TTC6: variants seen among roughly 807,000 people sequenced by gnomAD.
TTC6 encodes tetratricopeptide repeat protein 6.
TTC6 carries 172 observed loss-of-function variants against 210.4 expected under a neutral mutation model. The observed-to-expected ratio is 0.82, with a 90% CI of 0.72 to 0.93. The LOEUF is 0.93. Ranked by LOEUF, TTC6 falls within the 40% of genes least tolerant of loss-of-function variation. TTC6 has a pLI of 0.00. For synonymous variants in TTC6, 804 were observed against 819.6 expected, an observed-to-expected ratio of 0.98 and a Z score of 0.32; for missense variants, 2,414 against 2,318.1, an observed-to-expected ratio of 1.04 and a Z score of -0.85.
At chr14:37,715,399 C>G (rs887606462) in intron 6 of TTC6, among the ~76,000 whole-genome samples, 1 of 152,050 alleles carries the variant, frequency 6.6e-6, no homozygotes, top group Admixed American at 6.6e-5. Context: ...CTGAGCAAAT[C>G]CCAAACTGGA....
intron 29 of TTC6, among the ~76,000 whole-genome samples, chr14:37,835,739 A>G (rs964153078): frequency 4.6e-5 from 7 of 152,234 alleles, no homozygotes; most frequent in Non-Finnish European, 1.0e-4. Context: ...TAAGATCAAC[A>G]TATTAGAGTG....
chr14:37,657,511 C>G (rs1254709319), intron 1 of TTC6, among the ~76,000 whole-genome samples: 1 of 152,002 alleles, frequency 6.6e-6, no homozygotes, highest in Non-Finnish European at 1.5e-5. Flanking sequence ...GGCCTGGTGT[C>G]TCTGGGGGAC....
At chr14:37,691,001 A>C (rs575900533) in intron 3 of TTC6, among the ~76,000 whole-genome samples, 1 of 152,262 alleles carries the variant, frequency 6.6e-6, no homozygotes, top group African/African-American at 2.4e-5. Context: ...CATTAAAAAA[A>C]CCCCACCAAT....
chr14:37,696,434 A>G (rs1029822290), intron 3 of TTC6, among the ~76,000 whole-genome samples: 13 of 152,156 alleles, frequency 8.5e-5, no homozygotes, highest in African/African-American at 2.4e-4. Flanking sequence ...CCAATAAAGA[A>G]GAGTGCACTT....
chr14:37,813,552 G>A (rs373775151), intron 25 of TTC6, among the ~76,000 whole-genome samples: 1 of 152,104 alleles, frequency 6.6e-6, no homozygotes, highest in East Asian at 1.9e-4. Context: ...GCTACACACC[G>A]GGTCCTCAAC....
At chr14:37,711,135 T>C (rs2095844021) in intron 5 of TTC6, among the ~76,000 whole-genome samples, 1 of 152,184 alleles carries the variant, frequency 6.6e-6, no homozygotes, top group South Asian at 2.1e-4. Context: ...CAGCATCTCC[T>C]GCCTTACCAA....
intron 1 of TTC6, among the ~76,000 whole-genome samples, chr14:37,668,588 T>C (rs1027319796): frequency 3.0e-5 from 4 of 135,554 alleles, no homozygotes; most frequent in Non-Finnish European, 7.1e-5. Context: ...ATCGTTACTT[T>C]TGGCCCATTT....
Position 37,800,966 on chromosome 14 carries a change from GACT to G in TTC6, c.4030-3712_4030-3710del, listed in dbSNP as rs949558676. 3.4e-4 allele frequency among the ~76,000 whole-genome samples: 52 copies of G among 152,240 alleles called. 1 individual carries two copies. The highest frequency in any genetic ancestry group is 1.2e-3 in the African/African-American group (51 of 41,556). The stretch of plus-strand genomic sequence containing the variant: ...AAAGGAAAAAGGACCCAGAAGGCAA[GACT>G]AGGAACCCACAGGATGACACTAAGT... On this transcript the variant is annotated intron_variant, in intron 20 of 30. Coordinates refer to ENST00000553443, the Ensembl canonical transcript of TTC6.
At chr14:37,790,784 A>G in exon 16 of TTC6, 1 of 1,534,854 alleles carries the variant, frequency 6.5e-7, no homozygotes, top group Non-Finnish European at 8.7e-7. Context: ...ATGCACATCT[A>G]AAACTTTGGC....
chr14:37,622,557 G>T (rs2095653217), exon 1 of TTC6: 3 of 1,534,802 alleles, frequency 2.0e-6, no homozygotes, highest in African/African-American at 2.7e-5. Context: ...CAGAGCGCGC[G>T]GGGTCTTGGA....
intron 1 of TTC6, among the ~76,000 whole-genome samples, chr14:37,626,055 A>G (rs888762787): frequency 7.9e-5 from 12 of 152,184 alleles, no homozygotes; most frequent in Non-Finnish European, 1.5e-4. Context: ...CTCCCAAGTC[A>G]TAACAATAAA....
intron 7 of TTC6, among the ~76,000 whole-genome samples, chr14:37,729,339 A>G (rs972337551): frequency 2.6e-5 from 4 of 152,226 alleles, no homozygotes; most frequent in African/African-American, 7.2e-5. Flanking sequence ...TAATTTGCAT[A>G]AGTCAATATG....
At chr14:37,789,313 AT>A (rs1005631607) in intron 15 of TTC6, among the ~76,000 whole-genome samples, 35 of 140,284 alleles carry the variant, frequency 2.5e-4, no homozygotes, top group Admixed American at 3.8e-4. Context: ...GTTAAATAAT[AT>A]TTTTTTTCCT....
At chr14:37,824,667 A>G in intron 27 of TTC6, among the ~76,000 whole-genome samples, 1 of 152,200 alleles carries the variant, frequency 6.6e-6, no homozygotes, top group East Asian at 1.9e-4. Flanking sequence ...GATAAGTGCA[A>G]CAAAGGAAAA....
At chr14:37,660,874 C>A (rs568870463) in intron 1 of TTC6, among the ~76,000 whole-genome samples, 1 of 152,090 alleles carries the variant, frequency 6.6e-6, no homozygotes, top group Non-Finnish European at 1.5e-5. Flanking sequence ...TAATACTGGC[C>A]GTTCTGACTG....
chr14:37,629,348 AT>A (rs1275577735), intron 1 of TTC6, among the ~76,000 whole-genome samples: 1 of 149,546 alleles, frequency 6.7e-6, no homozygotes. Context: ...ATTCCTAGTT[AT>A]TTTTTTTTCT....
At chr14:37,696,951 G>A in intron 4 of TTC6, 116 bp downstream of exon 6, 1 of 453,224 alleles carries the variant, frequency 2.2e-6, no homozygotes. Flanking sequence ...TCATATATGA[G>A]ACCTAAGTTA....
At chr14:37,599,809 A>C (rs7148812) in intron 1 of TTC6, among the ~76,000 whole-genome samples, 4,996 of 152,300 alleles carry the variant, frequency 0.033, 221 homozygotes, top group African/African-American at 0.1. Context: ...AAACGGGAAC[A>C]AACCTCCCTC....
chr14:37,665,753 C>T (rs959016528), intron 1 of TTC6, among the ~76,000 whole-genome samples: 1 of 150,380 alleles, frequency 6.6e-6, no homozygotes, highest in African/African-American at 2.4e-5. Flanking sequence ...TAAGCAGGGC[C>T]AAGCTGAGCT....
Sources: gnomAD v4.1 joint callset for allele counts (sites outside exome capture counted in the v4.1 genomes callset) on GRCh38, gnomAD v4.1.1 for gene constraint, MANE v1.5 for transcripts, NCBI Gene and HGNC (gene_info 2026-07-23, HGNC 2026-07-21) for gene names.